The following USH2A variants were observed in gnomAD, a reference collection of about 807,000 sequenced individuals.
USH2A encodes usherin.
Under a neutral mutation model 538.9 loss-of-function variants are expected in USH2A, and 443 were observed. The ratio of observed to expected loss-of-function variants is 0.82; its 90% CI spans 0.76 to 0.89. The LOEUF is 0.89. Ranked by LOEUF, USH2A falls within the 40% of genes least tolerant of loss-of-function variation. The pLI is 0.00. For missense variants in USH2A, 6,633 were observed against 6,324.8 expected (o/e 1.05, Z -1.65); for synonymous variants, 2,413 against 2,273.5 (o/e 1.06, Z -1.75).
chr1:215,671,892 G>A (rs1657828993), intron 63 of USH2A, among the ~76,000 whole-genome samples: 2 of 151,964 alleles, frequency 1.3e-5, no homozygotes, highest in Admixed American at 6.6e-5. Context: ...ATGGAATTAC[G>A]GTCTCAGTGG....
chr1:216,369,192 A>G (rs1163961951), intron 3 of USH2A, among the ~76,000 whole-genome samples: 2 of 152,206 alleles, frequency 1.3e-5, no homozygotes, highest in Non-Finnish European at 2.9e-5. Flanking sequence ...ATTTGCATAA[A>G]AAGATTCCAC....
intron 11 of USH2A, among the ~76,000 whole-genome samples, chr1:216,261,457 A>C (rs2036369891): frequency 6.6e-6 from 1 of 151,528 alleles, no homozygotes. Flanking sequence ...TCCAAAAAAA[A>C]AAAAAAAGGC....
intron 69 of USH2A, 107 bp from the exon 70 acceptor site, chr1:215,634,810 G>A: frequency 6.3e-7 from 1 of 1,585,668 alleles, no homozygotes; most frequent in East Asian, 2.2e-5. Flanking sequence ...AAAGCAGAAA[G>A]CAGTTTGTCT....
intron 11 of USH2A, among the ~76,000 whole-genome samples, chr1:216,275,202 T>C (rs2036649568): frequency 6.6e-6 from 1 of 152,052 alleles, no homozygotes; most frequent in African/African-American, 2.4e-5. Context: ...AGCTATAATG[T>C]GTAAAAGATG....
intron 3 of USH2A, among the ~76,000 whole-genome samples, chr1:216,414,568 T>C (rs2039546372): frequency 6.6e-6 from 1 of 152,132 alleles, no homozygotes; most frequent in South Asian, 2.1e-4. Flanking sequence ...GGAAAGCTGA[T>C]ACAAGTGAAC....
chr1:216,005,307 C>T (rs1668366644), intron 32 of USH2A, among the ~76,000 whole-genome samples: 1 of 152,168 alleles, frequency 6.6e-6, no homozygotes, highest in South Asian at 2.1e-4. Flanking sequence ...TGGCCACCAT[C>T]ATCCCCAGGT....
At chr1:215,804,268 G>T (rs1296124427) in intron 49 of USH2A, among the ~76,000 whole-genome samples, 5 of 152,022 alleles carry the variant, frequency 3.3e-5, no homozygotes, top group African/African-American at 1.2e-4. Context: ...GGCAACAAAA[G>T]CCAAAATTGA....
intron 4 of USH2A, among the ~76,000 whole-genome samples, chr1:216,341,866 A>C (rs1304856915): frequency 6.6e-6 from 1 of 152,170 alleles, no homozygotes; most frequent in Non-Finnish European, 1.5e-5. Flanking sequence ...TAAAGACTTA[A>C]TTGCAAAACC....
At chr1:216,405,325 G>A (rs1298758686) in intron 3 of USH2A, among the ~76,000 whole-genome samples, 1 of 152,050 alleles carries the variant, frequency 6.6e-6, no homozygotes, top group Admixed American at 6.6e-5. Context: ...CCTGTAAAAA[G>A]AATAAAAACA....
intron 36 of USH2A, among the ~76,000 whole-genome samples, chr1:215,967,642 T>A (rs1667384167): frequency 6.6e-6 from 1 of 151,940 alleles, no homozygotes; most frequent in South Asian, 2.1e-4. Flanking sequence ...ATTTAAGGGG[T>A]TTAAGCAGGT....
rs530655019 is a variant in USH2A, at chr1:216,237,375, T to C, written c.2810-5239A>G. On this transcript the variant is annotated intron_variant, in intron 13 of 71. Coordinates refer to ENST00000307340, the MANE Select transcript of USH2A (RefSeq NM_206933.4). ...CTAACTCACCCTCAAATATTTGTTG[T>C]GTGAATGTGTAAGATAAATATTGAG... Among the ~76,000 whole-genome samples, 35 of 151,924 alleles carry C rather than the reference T, an allele frequency of 2.3e-4. No individual in the cohort carries two copies. The South Asian group carries it at 6.4e-3, about 28-fold the overall frequency.
At chr1:215,737,088 T>C (rs975367760) in intron 60 of USH2A, among the ~76,000 whole-genome samples, 1 of 151,926 alleles carries the variant, frequency 6.6e-6, no homozygotes, top group African/African-American at 2.4e-5. Context: ...GGCTAAATAA[T>C]ATATGATACA....
intron 55 of USH2A, among the ~76,000 whole-genome samples, chr1:215,777,288 G>T (rs1661492646): frequency 6.6e-6 from 1 of 152,164 alleles, no homozygotes; most frequent in South Asian, 2.1e-4. Flanking sequence ...GTTATTTAGA[G>T]AAAAATCTTT....
intron 19 of USH2A, 131 bp from the exon 20 acceptor site, chr1:216,190,498 G>GTTT (rs746805392): frequency 9.9e-4 from 927 of 931,890 alleles, no homozygotes; most frequent in East Asian, 2.1e-3. Flanking sequence ...TAGGAAAAGG[G>GTTT]TTTTTTTTTT....
At chr1:215,869,196 A>G (rs1664560929) in intron 43 of USH2A, among the ~76,000 whole-genome samples, 1 of 152,172 alleles carries the variant, frequency 6.6e-6, no homozygotes, top group Non-Finnish European at 1.5e-5. Context: ...GAGATAAATA[A>G]CTTGTCCAAG....
At chr1:215,691,425 A>G (rs181551437) in intron 61 of USH2A, among the ~76,000 whole-genome samples, 191 of 152,262 alleles carry the variant, frequency 1.3e-3, no homozygotes, top group African/African-American at 3.7e-3. Context: ...AAAACATACT[A>G]AACAAGCTCG....
chr1:215,954,492 C>T (rs1667012606), intron 37 of USH2A, among the ~76,000 whole-genome samples: 1 of 143,652 alleles, frequency 7.0e-6, no homozygotes, highest in Non-Finnish European at 1.5e-5. Context: ...TATGTTCTCA[C>T]TCATAGGTGG....
chr1:216,047,781 TATAAG>T (rs1197681741), intron 31 of USH2A, among the ~76,000 whole-genome samples: 5 of 152,180 alleles, frequency 3.3e-5, no homozygotes, highest in South Asian at 2.1e-4. Context: ...AACTAGACAG[TATAAG>T]ATATGTACAA....
chr1:216,113,654 G>A (rs545177485), intron 21 of USH2A, among the ~76,000 whole-genome samples: 2 of 151,892 alleles, frequency 1.3e-5, no homozygotes, highest in African/African-American at 4.8e-5. Context: ...TTAAGGGTAT[G>A]GTTTCTTTGT....
Sources: gnomAD v4.1 joint callset for allele counts (sites outside exome capture counted in the v4.1 genomes callset) on GRCh38, gnomAD v4.1.1 for gene constraint, MANE v1.5 for transcripts, NCBI Gene and HGNC (gene_info 2026-07-23, HGNC 2026-07-21) for gene names.